LRBA: variants seen among roughly 807,000 people sequenced by gnomAD.
LRBA encodes lipopolysaccharide-responsive and beige-like anchor protein.
LRBA carries 176 observed loss-of-function variants against 330.0 expected under a neutral mutation model. The observed-to-expected ratio is 0.53, with a 90% confidence interval of 0.47 to 0.60. The LOEUF is 0.60. LRBA is among the 20% of genes least tolerant of loss of function. The pLI, the probability that LRBA is intolerant of heterozygous loss-of-function variation, is 0.00. For missense variants in LRBA, 3,259 were observed against 3,444.8 expected (o/e 0.95, Z 1.35); for synonymous variants, 1,230 against 1,193.0 (o/e 1.03, Z -0.64).
chr4:150,523,564 A>T (rs1291286272), intron 40 of LRBA, among the ~76,000 whole-genome samples: 1 of 152,174 alleles, frequency 6.6e-6, no homozygotes, highest in Non-Finnish European at 1.5e-5. Flanking sequence ...AGACTAAGGC[A>T]GGTGAGAAAT....
chr4:150,753,581 C>T (rs773445972), intron 35 of LRBA, among the ~76,000 whole-genome samples: 8 of 152,056 alleles, frequency 5.3e-5, no homozygotes, highest in Non-Finnish European at 8.8e-5. Flanking sequence ...TCTACAGGCA[C>T]GCTATATCCA....
At chr4:150,591,011 CAT>C (rs1772759899) in intron 38 of LRBA, 152 bp from the exon 39 acceptor site, 1 of 653,658 alleles carries the variant, frequency 1.5e-6, no homozygotes, top group African/African-American at 1.8e-5. Context: ...GGATGGCACA[CAT>C]GCCTGATCTG....
intron 45 of LRBA, 125 bp from the exon 46 acceptor site, chr4:150,435,833 A>G (rs1751040508): frequency 1.9e-6 from 1 of 538,468 alleles, no homozygotes; most frequent in Non-Finnish European, 3.2e-6. Context: ...AACTAGGTAT[A>G]TAATGAGAAT....
chr4:150,755,453 G>T (rs1734162274), intron 35 of LRBA, among the ~76,000 whole-genome samples: 1 of 152,052 alleles, frequency 6.6e-6, no homozygotes, highest in Non-Finnish European at 1.5e-5. Context: ...GTTGTAAGAG[G>T]CTATGAAAGC....
At chr4:150,346,757 C>CCAAAAAAAAAAAAA (rs1206950764) in intron 48 of LRBA, among the ~76,000 whole-genome samples, 3 of 66,152 alleles carry the variant, frequency 4.5e-5, no homozygotes, top group African/African-American at 2.3e-4. Context: ...GACTCTGTCT[C>CCAAAAAAAAAAAAA]AAAAAAAAAA....
intron 51 of LRBA, among the ~76,000 whole-genome samples, chr4:150,313,826 A>G (rs72953813): frequency 0.024 from 3,332 of 139,466 alleles, 109 homozygotes; most frequent in African/African-American, 0.081. Context: ...TGTTTCATAT[A>G]GAATATATAT....
At chr4:150,805,791 T>C (rs1239203701) in intron 33 of LRBA, among the ~76,000 whole-genome samples, 2 of 151,984 alleles carry the variant, frequency 1.3e-5, no homozygotes, top group Non-Finnish European at 2.9e-5. Flanking sequence ...CTATCTAGTT[T>C]GACAATCTCA....
intron 37 of LRBA, among the ~76,000 whole-genome samples, chr4:150,633,917 C>G (rs1414690668): frequency 6.6e-6 from 1 of 152,172 alleles, no homozygotes; most frequent in African/African-American, 2.4e-5. Flanking sequence ...GAGTTCGAGA[C>G]TAGCCTGGCC....
intron 37 of LRBA, among the ~76,000 whole-genome samples, chr4:150,668,841 G>T (rs1043287773): frequency 6.6e-6 from 1 of 152,178 alleles, no homozygotes; most frequent in Non-Finnish European, 1.5e-5. Context: ...AATGCTTGGA[G>T]ACTAGAGATG....
chr4:150,749,316 T>A (rs4696631), intron 35 of LRBA, among the ~76,000 whole-genome samples: 107,007 of 152,020 alleles, frequency 0.7, 42,672 homozygotes, highest in Non-Finnish European at 0.9. Flanking sequence ...ACACCTGTAA[T>A]CCCAACACTT....
At chr4:150,395,427 C>T (rs964870926) in intron 47 of LRBA, among the ~76,000 whole-genome samples, 1 of 152,052 alleles carries the variant, frequency 6.6e-6, no homozygotes, top group Non-Finnish European at 1.5e-5. Context: ...AATGTCTTCT[C>T]TGTCCTCTCT....
At chr4:150,326,820 G>A (rs913651037) in intron 48 of LRBA, among the ~76,000 whole-genome samples, 2 of 152,094 alleles carry the variant, frequency 1.3e-5, no homozygotes, top group South Asian at 2.1e-4. Context: ...AGGCTACTTC[G>A]ACACTCCCGT....
intron 37 of LRBA, among the ~76,000 whole-genome samples, chr4:150,661,193 A>G (rs1270112751): frequency 1.3e-5 from 2 of 151,880 alleles, no homozygotes; most frequent in Admixed American, 1.3e-4. Flanking sequence ...AACAGAGGCC[A>G]GGCATGGTGG....
At chr4:150,341,747 T>A (rs1026783898) in intron 48 of LRBA, among the ~76,000 whole-genome samples, 2 of 151,252 alleles carry the variant, frequency 1.3e-5, no homozygotes, top group Non-Finnish European at 2.9e-5. Flanking sequence ...CACAGACATA[T>A]GCATATATGT....
chr4:150,685,316 GT>G lies in LRBA; in HGVS notation c.5755-1600del, dbSNP rs551015403. Among the ~76,000 whole-genome samples the G allele has an allele frequency of 9.7e-5, 12 of 124,334 alleles. No homozygotes were observed. In the East Asian group the frequency reaches 3.1e-3, roughly 32 times the overall value. The allele number at this position is 124,334 out of a possible 152,430, so 81.6% of individuals were successfully genotyped here. A position where few individuals can be genotyped will look rare whatever the true frequency, so the allele number is the denominator to read the frequency against. ...CCAGTAAAAACATCCAAAAAAATTG[GT>G]TTTTTTTGTTCCTTACACCAAAAGC... On this transcript the variant is annotated intron_variant, in intron 36 of 56. Transcript: ENST00000651943.
chr4:150,415,693 T>G (rs1313768872), intron 46 of LRBA, 103 bp from the exon 47 acceptor site: 2 of 690,634 alleles, frequency 2.9e-6, no homozygotes, highest in East Asian at 5.4e-5. Flanking sequence ...AAGAACAAAA[T>G]AAACACAGGG....
At chr4:150,601,463 A>G (rs571687820) in intron 37 of LRBA, among the ~76,000 whole-genome samples, 11 of 152,150 alleles carry the variant, frequency 7.2e-5, no homozygotes, top group Non-Finnish European at 1.6e-4. Flanking sequence ...CTCAAAGATA[A>G]TATCTATAGC....
At chr4:150,993,910 C>T (rs1411695360) in intron 2 of LRBA, among the ~76,000 whole-genome samples, 1 of 151,564 alleles carries the variant, frequency 6.6e-6, no homozygotes, top group Non-Finnish European at 1.5e-5. Flanking sequence ...ACTAAAAATA[C>T]AAAAATTAGC....
intron 47 of LRBA, among the ~76,000 whole-genome samples, chr4:150,356,513 G>GA (rs916507777): frequency 2.6e-5 from 4 of 151,782 alleles, no homozygotes; most frequent in Non-Finnish European, 5.9e-5. Context: ...TAAATCTAAA[G>GA]AAAATAAAAG....
Sources: allele counts gnomAD v4.1 joint callset (sites outside exome capture counted in the v4.1 genomes callset), GRCh38; gene constraint gnomAD v4.1.1; transcripts MANE v1.5; gene names NCBI Gene and HGNC (gene_info 2026-07-23, HGNC 2026-07-21).